Variants in PRKDC observed in about 807,000 individuals in gnomAD.
PRKDC encodes protein kinase, DNA-activated, catalytic subunit.
In PRKDC, 82 loss-of-function variants were observed where a neutral mutation model predicts 486.9. The ratio of observed to expected loss-of-function variants is 0.17; its 90% CI spans 0.14 to 0.20. The LOEUF is 0.20. Ranked by LOEUF, PRKDC falls within the 10% of genes least tolerant of loss-of-function variation. The pLI, the probability that PRKDC is intolerant of heterozygous loss-of-function variation, is 1.00. For synonymous variants in PRKDC, 1,895 were observed against 1,837.0 expected, an observed-to-expected ratio of 1.03 and a Z score of -0.81; for missense variants, 4,504 against 5,038.2, an observed-to-expected ratio of 0.89 and a Z score of 3.21.
intron 68 of PRKDC, among the ~76,000 whole-genome samples, chr8:47,807,822 T>C (rs1477009128): frequency 6.6e-6 from 1 of 151,854 alleles, no homozygotes; most frequent in Non-Finnish European, 1.5e-5. Context: ...TTCAAGCGAT[T>C]CTCCTGCCTC....
rs1397898044 is a variant in PRKDC at position 47,927,285 on chromosome 8, C to G, written c.2328G>C (p.Trp776Cys). The change falls in exon 21 of 86, where the codon TGG (tryptophan) becomes TGC (cysteine). Residue 776 changes from tryptophan (W) to cysteine (C), a missense_variant. Transcript: ENST00000314191. ...AEVGLNALEE[W>C]SIYIDRHVMQ... is the part of the protein sequence containing the mutation. The stretch of plus-strand genomic sequence containing the variant: ...TTACATGTCTGTCAATATAAATTGA[C>G]CATTCTTCTAGAGCATTCAGGCCTA... The G allele has an allele frequency of 6.2e-7, 1 of 1,613,628 alleles. No individual in the cohort carries two copies. The highest frequency in any genetic ancestry group is 1.1e-5 in the South Asian group (1 of 91,032).
At chr8:47,837,080 G>C (rs1431830378) in intron 57 of PRKDC, 132 bp downstream of exon 57, 2 of 1,026,394 alleles carry the variant, frequency 1.9e-6, no homozygotes, top group Non-Finnish European at 2.8e-6. Context: ...GCAGAGGCAC[G>C]AGCCTTCCCT....
At position 47,782,899 on chromosome 8, in the gene PRKDC, TAGTGGATACTCAC is replaced by T. The variant is rs1454099373; in HGVS notation, c.11176-314_11176-302del. 2.3e-6 allele frequency: 1 copy of T among 426,666 alleles called. No homozygotes were observed. The highest frequency in any genetic ancestry group is 4.3e-6 in the Non-Finnish European group (1 of 232,380). The allele number at this position is 426,666 out of a possible 1,614,324, so 26.4% of individuals were successfully genotyped here. A position where few individuals can be genotyped will look rare whatever the true frequency, so the allele number is the denominator to read the frequency against. ...GTAAGCTAATGCTACACATATTTTA[TAGTGGATACTCAC>T]ACACAGCTTACTCTTTGAGTTTATG... On this transcript the variant is annotated intron_variant, in intron 78 of 85. Transcript: ENST00000314191. The surrounding 1 kb of genome is among the most constrained non-coding windows in gnomAD (Gnocchi z 4.9).
chr8:47,938,917 C>T (rs1159766832), intron 11 of PRKDC, among the ~76,000 whole-genome samples: 27 of 152,104 alleles, frequency 1.8e-4, no homozygotes, highest in Non-Finnish European at 4.4e-5. Context: ...TTTTTTTTAA[C>T]TTCTCTTCCT....
chr8:47,783,670 A>T, intron 78 of PRKDC, 72 bp downstream of exon 78: 1 of 1,466,488 alleles, frequency 6.8e-7, no homozygotes, highest in South Asian at 1.1e-5. Flanking sequence ...CATATACTAA[A>T]GGCAAACAGA....
chr8:47,833,024 C>T lies in PRKDC; in HGVS notation c.8153-1098G>A, dbSNP rs539598592. On this transcript the variant is annotated intron_variant, in intron 59 of 85. Transcript: ENST00000314191. ...GTATGGAGCTCCACAGCAGCACTCCCGCCAGACCACCAAGCCATCAGATCC... is the reference window on the plus strand; with the variant it reads ...GTATGGAGCTCCACAGCAGCACTCCTGCCAGACCACCAAGCCATCAGATCC... 7.2e-5 allele frequency among the ~76,000 whole-genome samples: 11 copies of T among 152,318 alleles called. No homozygotes were observed. In the East Asian group the frequency reaches 7.7e-4, roughly 11 times the overall value.
In PRKDC at chr8:47,857,159, T is replaced by G. The variant is rs1261355707; in HGVS notation, c.6606A>C (p.Pro2202=). 1 of 1,613,274 alleles carries G rather than the reference T, an allele frequency of 6.2e-7. No individual in the cohort carries two copies. Among genetic ancestry groups the G allele is most frequent in the South Asian group, 1.1e-5 (1 of 90,904 alleles). The change falls in exon 49 of 86, where the codon CCA becomes CCC. Residue 2202 remains proline, a synonymous_variant. Coordinates refer to ENST00000314191, the MANE Select transcript of PRKDC (RefSeq NM_006904.7). ...TILSWTGLAT[P]TGVPKDEVLA... is the part of the protein sequence containing the mutation. The stretch of plus-strand genomic sequence containing the variant: ...TAAAAGATGCATCAATCCTTACTGT[T>G]GGAGTGGCCAAGCCTGTCCATGAAA...
chr8:47,930,513 C>T (rs1274562583), intron 17 of PRKDC, among the ~76,000 whole-genome samples, 159 bp downstream of exon 17: 1 of 152,194 alleles, frequency 6.6e-6, no homozygotes, highest in East Asian at 1.9e-4. Flanking sequence ...ACCTCGTGAT[C>T]CACCTGCCTC....
rs192921658 is a variant in PRKDC, at chr8:47,882,110, C to T, written c.4777-13G>A. 3.2e-6 allele frequency: 5 copies of T among 1,582,438 alleles called. No individual in the cohort carries two copies. In the South Asian group the frequency reaches 4.7e-5, roughly 15 times the overall value. On this transcript the variant is annotated splice_polypyrimidine_tract_variant and intron_variant, in intron 36 of 85. Coordinates refer to ENST00000314191, the MANE Select transcript of PRKDC (RefSeq NM_006904.7). ...AAACGGCACTCACCTGAGACAATTT[C>T]GTTGTGAGTGAAGAAAAATTCTTAA...
At chr8:47,903,490 G>A (rs551945297) in intron 26 of PRKDC, among the ~76,000 whole-genome samples, 31 of 152,322 alleles carry the variant, frequency 2.0e-4, no homozygotes, top group African/African-American at 6.7e-4. Context: ...TCTTGCAGAG[G>A]TAATTAGAAT....
At chr8:47,937,949 T>C (rs188568533) in intron 11 of PRKDC, among the ~76,000 whole-genome samples, 46 of 152,220 alleles carry the variant, frequency 3.0e-4, no homozygotes, top group African/African-American at 9.6e-4. Context: ...ATATCGTCTC[T>C]ACGAAAGATT....
chr8:47,806,906 A>C (rs919552507), intron 69 of PRKDC, among the ~76,000 whole-genome samples: 5 of 152,144 alleles, frequency 3.3e-5, no homozygotes, highest in African/African-American at 1.2e-4. Flanking sequence ...CTGTTGCCCA[A>C]GCTGGTCTCT....
Position 47,785,293 on chromosome 8 carries a change from G to A in PRKDC, c.10927C>T (p.His3643Tyr). The A allele has an allele frequency of 6.3e-7, 1 of 1,597,622 alleles. No individual in the cohort carries two copies. Among genetic ancestry groups the A allele is most frequent in the Non-Finnish European group, 8.5e-7 (1 of 1,170,726 alleles). The change falls in exon 77 of 86, where the codon CAT becomes TAT. Residue 3643 changes from histidine to tyrosine, a missense_variant. By Grantham distance (83) the His-to-Tyr change is moderately conservative. This residue lies in a region of PRKDC where 706 missense variants were observed against 945.0 expected (regional missense o/e 0.75). Transcript: ENST00000314191. ...AGTTTAGAACCTCCTTTCCCAAAATGTTTATCAAATTCTTTTCCAAAAGTC... is the reference window on the plus strand; with the variant it reads ...AGTTTAGAACCTCCTTTCCCAAAATATTTATCAAATTCTTTTCCAAAAGTC... ...IQTFGKEFDKHFGKGGSKLLR... is the reference protein window; with the variant it reads ...IQTFGKEFDKYFGKGGSKLLR...
chr8:47,932,587 TTC>T (rs1180991118), intron 16 of PRKDC, among the ~76,000 whole-genome samples: 1 of 152,146 alleles, frequency 6.6e-6, no homozygotes, highest in Non-Finnish European at 1.5e-5. Flanking sequence ...ATTTTCTTAT[TTC>T]TCTTCCTATT....
intron 34 of PRKDC, among the ~76,000 whole-genome samples, chr8:47,887,926 G>A (rs1185788181): frequency 1.3e-5 from 2 of 152,166 alleles, no homozygotes; most frequent in African/African-American, 2.4e-5. Flanking sequence ...CACAATCGTG[G>A]CTCACTGCAT....
chr8:47,957,952 C>T (rs182792535), intron 1 of PRKDC, among the ~76,000 whole-genome samples: 21 of 152,238 alleles, frequency 1.4e-4, no homozygotes, highest in Admixed American at 3.3e-4. Flanking sequence ...AAGATGCCTG[C>T]ATCCCAATCC....
At position 47,935,842 on chromosome 8, in the gene PRKDC, A is replaced by T. The variant is rs534735519; in HGVS notation, c.1337T>A (p.Phe446Tyr). Residue 446 changes from phenylalanine to tyrosine, a missense_variant, in exon 13 of 86, where the codon TTC becomes TAC. Coordinates refer to ENST00000314191, the MANE Select transcript of PRKDC (RefSeq NM_006904.7). ...CTGCATTTTTGGACTGTACTGTGGG[A>T]AACTGTCTATCTGCATCACCACGAG... Reference protein sequence around the residue: ...EHLVVMQIDSFPQYSPKMQLV... With the variant: ...EHLVVMQIDSYPQYSPKMQLV... The T allele has an allele frequency of 1.2e-5, 19 of 1,613,978 alleles. No homozygotes were observed. In the East Asian group the frequency reaches 3.1e-4, roughly 26 times the overall value.
Position 47,789,151 on chromosome 8 carries a change from C to T in PRKDC, c.10758G>A (p.Lys3586=). ...DQLSNPELLF[K]DWSNDVRAEL... The stretch of plus-strand genomic sequence containing the variant: ...GTGCCAGAAGCCGTTCTATCATTAC[C>T]TTAAAGAGCAGTTCAGGATTAGAGA... Residue 3586 remains lysine, a splice_region_variant and synonymous_variant, in exon 75 of 86, where the codon AAG becomes AAA. Transcript: ENST00000314191. The T allele has an allele frequency of 6.2e-7, 1 of 1,613,138 alleles. No individual in the cohort carries two copies. The highest frequency in any genetic ancestry group is 8.5e-7 in the Non-Finnish European group (1 of 1,179,444).
At position 47,802,898 on chromosome 8, in the gene PRKDC, C is replaced by T. The variant is rs141447907; in HGVS notation, c.9922+408G>A. Among the ~76,000 whole-genome samples, 478 of 152,298 alleles carry T rather than the reference C, an allele frequency of 3.1e-3. 2 individuals are homozygous for T. Among genetic ancestry groups the T allele is most frequent in the African/African-American group, 0.011 (461 of 41,582 alleles). ...TCGATCTCCTGACCTCATGATCTGC[C>T]TGCCTCAGCCTCCCAAAGTGCTGGG... On this transcript the variant is annotated intron_variant, in intron 70 of 85. Transcript: ENST00000314191.
Sources: allele counts gnomAD v4.1 joint callset (sites outside exome capture counted in the v4.1 genomes callset), GRCh38; gene constraint gnomAD v4.1.1; regional missense constraint gnomAD v4.1.1; non-coding constraint Gnocchi (gnomAD v3.1); transcripts MANE v1.5; gene names NCBI Gene and HGNC (gene_info 2026-07-23, HGNC 2026-07-21).